The following RCAN2 variants were observed in gnomAD, a reference collection of about 807,000 sequenced individuals.
The protein encoded by RCAN2 is calcipressin-2.
RCAN2 carries 9 observed loss-of-function variants against 23.6 expected under a neutral mutation model. The ratio of observed to expected loss-of-function variants is 0.38; its 90% confidence interval spans 0.23 to 0.67. RCAN2 has a LOEUF of 0.67. Ranked by LOEUF, RCAN2 falls within the 30% of genes least tolerant of loss-of-function variation. The pLI, the probability that RCAN2 is intolerant of heterozygous loss-of-function variation, is 0.51. For missense variants in RCAN2, 273 were observed against 302.3 expected (o/e 0.90, Z 0.72); for synonymous variants, 109 against 115.7 (o/e 0.94, Z 0.37).
chr6:46,326,419 G>A (rs1320320611), intron 2 of RCAN2, among the ~76,000 whole-genome samples: 5 of 152,160 alleles, frequency 3.3e-5, no homozygotes, highest in Admixed American at 3.3e-4. Flanking sequence ...GACTTCACCT[G>A]AGACTTTGAA....
chr6:46,372,298 A>G (rs1311122941), intron 2 of RCAN2, among the ~76,000 whole-genome samples: 1 of 152,222 alleles, frequency 6.6e-6, no homozygotes, highest in African/African-American at 2.4e-5. Context: ...TACACATTGA[A>G]ATGCATTCTA....
At chr6:46,232,832 G>A (rs1187028268) in intron 4 of RCAN2, among the ~76,000 whole-genome samples, 1 of 145,896 alleles carries the variant, frequency 6.9e-6, no homozygotes, top group East Asian at 2.0e-4. Context: ...GTATAGGGAA[G>A]CAAACCTGCA....
intron 2 of RCAN2, among the ~76,000 whole-genome samples, chr6:46,328,453 C>T (rs1471158670): frequency 6.6e-6 from 1 of 152,206 alleles, no homozygotes; most frequent in Non-Finnish European, 1.5e-5. Flanking sequence ...GGCAAAGGAA[C>T]TTTCCAGTAA....
At chr6:46,439,922 C>A (rs531431525) in intron 2 of RCAN2, among the ~76,000 whole-genome samples, 1 of 152,196 alleles carries the variant, frequency 6.6e-6, no homozygotes, top group African/African-American at 2.4e-5. Flanking sequence ...CTTTCATGTG[C>A]CCCTTGCAAA....
At chr6:46,474,663 T>G (rs1768664314) in intron 1 of RCAN2, among the ~76,000 whole-genome samples, 1 of 152,160 alleles carries the variant, frequency 6.6e-6, no homozygotes, top group African/African-American at 2.4e-5. Flanking sequence ...CAGTAGGTTT[T>G]GGGAAAGGAG....
chr6:46,293,429 C>T (rs936819580), intron 2 of RCAN2, among the ~76,000 whole-genome samples: 1 of 152,064 alleles, frequency 6.6e-6, no homozygotes, highest in Non-Finnish European at 1.5e-5. Context: ...TAGACATTAG[C>T]TATATGGTAG....
chr6:46,246,336 G>A (rs1766511979), intron 4 of RCAN2, among the ~76,000 whole-genome samples: 1 of 152,158 alleles, frequency 6.6e-6, no homozygotes. Flanking sequence ...GGGTTCCTGA[G>A]TGTGTACTAG....
intron 2 of RCAN2, among the ~76,000 whole-genome samples, chr6:46,288,276 A>G (rs1762434436): frequency 1.3e-5 from 2 of 152,232 alleles, no homozygotes; most frequent in Admixed American, 1.3e-4. Flanking sequence ...TAACCATAGC[A>G]GTAACTTTTG....
intron 2 of RCAN2, among the ~76,000 whole-genome samples, chr6:46,335,895 C>T (rs1764125130): frequency 6.6e-6 from 1 of 152,208 alleles, no homozygotes; most frequent in African/African-American, 2.4e-5. Context: ...TGTGAAGGAA[C>T]TCTGTAAACA....
At chr6:46,298,304 G>A (rs1454606463) in intron 2 of RCAN2, among the ~76,000 whole-genome samples, 1 of 152,048 alleles carries the variant, frequency 6.6e-6, no homozygotes, top group Non-Finnish European at 1.5e-5. Context: ...GATTTTATGT[G>A]AGGTCATAGA....
chr6:46,279,603 T>C (rs1767833859), intron 2 of RCAN2, among the ~76,000 whole-genome samples: 1 of 152,232 alleles, frequency 6.6e-6, no homozygotes, highest in Non-Finnish European at 1.5e-5. Flanking sequence ...CTCCGGATCT[T>C]TGATCAAAGT....
At chr6:46,252,355 A>G (rs972332326) in intron 2 of RCAN2, among the ~76,000 whole-genome samples, 4 of 152,166 alleles carry the variant, frequency 2.6e-5, no homozygotes, top group Non-Finnish European at 5.9e-5. Context: ...ATTTTTCTCC[A>G]GTTGTGTTGC....
At chr6:46,433,373 C>G (rs1767273447) in intron 2 of RCAN2, among the ~76,000 whole-genome samples, 1 of 152,124 alleles carries the variant, frequency 6.6e-6, no homozygotes, top group South Asian at 2.1e-4. Context: ...ATGCCCTAAA[C>G]CCTGAAACCT....
chr6:46,270,835 G>A (rs756931982), intron 2 of RCAN2, among the ~76,000 whole-genome samples: 4 of 152,136 alleles, frequency 2.6e-5, no homozygotes, highest in Non-Finnish European at 5.9e-5. Context: ...GAGAGGAACC[G>A]AGGCCCTCAT....
chr6:46,436,914 T>C (rs1368613589), intron 2 of RCAN2, among the ~76,000 whole-genome samples: 3 of 152,182 alleles, frequency 2.0e-5, no homozygotes, highest in Non-Finnish European at 2.9e-5. Context: ...AAAGTACCAG[T>C]AACTCAAAAG....
chr6:46,482,714 G>T (rs1019713586), intron 1 of RCAN2, among the ~76,000 whole-genome samples: 1 of 152,038 alleles, frequency 6.6e-6, no homozygotes, highest in Non-Finnish European at 1.5e-5. Flanking sequence ...ATCACACCTT[G>T]GCTTGAACTG....
chr6:46,441,406 G>A (rs1030275516), intron 2 of RCAN2, among the ~76,000 whole-genome samples: 1 of 152,144 alleles, frequency 6.6e-6, no homozygotes, highest in African/African-American at 2.4e-5. Flanking sequence ...AGAATGAGGA[G>A]GTTGCTCTTC....
intron 2 of RCAN2, among the ~76,000 whole-genome samples, chr6:46,290,747 T>A (rs1331142399): frequency 6.6e-6 from 1 of 152,218 alleles, no homozygotes; most frequent in Admixed American, 6.5e-5. Flanking sequence ...GATATATGAC[T>A]AAAACCGTGA....
intron 2 of RCAN2, among the ~76,000 whole-genome samples, chr6:46,345,955 C>T (rs1009813146): frequency 6.6e-6 from 1 of 151,860 alleles, no homozygotes; most frequent in Non-Finnish European, 1.5e-5. Context: ...GTTGTAAATC[C>T]TAATATGGTA....
Sources: gnomAD v4.1 joint callset for allele counts (sites outside exome capture counted in the v4.1 genomes callset) on GRCh38, gnomAD v4.1.1 for gene constraint, MANE v1.5 for transcripts, NCBI Gene and HGNC (gene_info 2026-07-23, HGNC 2026-07-21) for gene names.